Variants in TBC1D22A observed in about 807,000 individuals in gnomAD.
The protein encoded by TBC1D22A is TBC1 domain family member 22A, also known as putative GTPase activator.
A neutral mutation model predicts 60.2 loss-of-function variants in TBC1D22A; 38 were observed. That is an observed-to-expected ratio of 0.63 (90% CI 0.49 to 0.83). The LOEUF (loss-of-function observed/expected upper bound fraction) is 0.83, where lower values mean the gene tolerates loss of function less well. TBC1D22A is among the 40% of genes least tolerant of loss of function. TBC1D22A has a pLI of 0.00. For missense variants in TBC1D22A, 628 were observed against 701.0 expected (o/e 0.90, Z 1.18); for synonymous variants, 302 against 281.7 (o/e 1.07, Z -0.72).
chr22:46,773,967 T>G (rs1299388706), intron 1 of TBC1D22A: 2 of 985,370 alleles, frequency 2.0e-6, no homozygotes, highest in Non-Finnish European at 2.4e-6. Context: ...CATCCTTATC[T>G]CCTCCATTCC....
chr22:46,790,555 A>G (rs2084362566), intron 1 of TBC1D22A, among the ~76,000 whole-genome samples: 1 of 152,136 alleles, frequency 6.6e-6, no homozygotes, highest in Non-Finnish European at 1.5e-5. Flanking sequence ...GTTTTTTTTT[A>G]CAAAGCAGTG....
chr22:47,026,690 C>G (rs1390996024), intron 10 of TBC1D22A, among the ~76,000 whole-genome samples: 1 of 152,082 alleles, frequency 6.6e-6, no homozygotes, highest in East Asian at 1.9e-4. Context: ...AGGGAAAACA[C>G]TATGATAAAA....
intron 11 of TBC1D22A, among the ~76,000 whole-genome samples, chr22:47,046,763 C>T (rs1379728244): frequency 2.6e-5 from 4 of 152,172 alleles, no homozygotes; most frequent in Non-Finnish European, 5.9e-5. Flanking sequence ...GCCAGAGAGC[C>T]GTTGACATCT....
chr22:46,866,683 A>G (rs941915535), intron 4 of TBC1D22A, among the ~76,000 whole-genome samples: 4 of 152,224 alleles, frequency 2.6e-5, no homozygotes, highest in South Asian at 2.1e-4. Flanking sequence ...GAACAAGTCT[A>G]TAGTGCTGAT....
chr22:47,061,665 A>G (rs752099126), intron 11 of TBC1D22A, among the ~76,000 whole-genome samples: 10 of 151,794 alleles, frequency 6.6e-5, no homozygotes, highest in Admixed American at 1.3e-4. Flanking sequence ...TCCACTCTCC[A>G]TAGTCATCTA....
At chr22:47,084,084 C>T (rs1419879733) in intron 11 of TBC1D22A, among the ~76,000 whole-genome samples, 11 of 152,244 alleles carry the variant, frequency 7.2e-5, no homozygotes, top group Non-Finnish European at 1.5e-5. Context: ...GAGGTGCATT[C>T]TCTACGATCC....
chr22:46,793,846 G>A lies in TBC1D22A; in HGVS notation c.460+5G>A, dbSNP rs1411274535. 1.4e-5 allele frequency: 21 copies of A among 1,552,728 alleles called. No individual in the cohort carries two copies. Among genetic ancestry groups the A allele is most frequent in the South Asian group, 3.6e-5 (3 of 83,624 alleles). On this transcript the variant is annotated splice_donor_5th_base_variant and intron_variant, in intron 3 of 12. Transcript: ENST00000337137. The stretch of plus-strand genomic sequence containing the variant: ...GCCACACGTCCTGTCCTGCAGGTAC[G>A]ATGGGAGGACTGAAGAGATGGTCTG...
In TBC1D22A at chr22:46,777,594, T is replaced by C. The variant is rs1472880853; in HGVS notation, c.62+14746T>C. On this transcript the variant is annotated intron_variant, in intron 1 of 12. Coordinates refer to ENST00000337137, the MANE Select transcript of TBC1D22A (RefSeq NM_014346.5). The surrounding 1 kb of genome is among the most constrained non-coding windows in gnomAD (Gnocchi z 4.5). ...GAGGACTCGGCTTTGGGGAGCAGAG[T>C]TGGGAACACACAGAAGAGTCTGGGG... 6.6e-6 allele frequency among the ~76,000 whole-genome samples: 1 copy of C among 151,444 alleles called. No homozygotes were observed. The highest frequency in any genetic ancestry group is 2.4e-5 in the African/African-American group (1 of 41,162).
chr22:46,933,625 T>TCGGC (rs375567614), intron 8 of TBC1D22A, among the ~76,000 whole-genome samples: 1 of 150,534 alleles, frequency 6.6e-6, no homozygotes, highest in African/African-American at 2.5e-5. Context: ...GAGAGACCAC[T>TCGGC]GGGGGGGGGT....
intron 12 of TBC1D22A, chr22:47,116,406 G>C (rs955190338): frequency 6.6e-6 from 1 of 152,262 alleles, no homozygotes. Flanking sequence ...AGGAGGCCTC[G>C]GCAGCTGAGA....
At chr22:47,088,695 C>T (rs1302248815) in intron 11 of TBC1D22A, among the ~76,000 whole-genome samples, 1 of 152,096 alleles carries the variant, frequency 6.6e-6, no homozygotes, top group Admixed American at 6.5e-5. Flanking sequence ...TGAAATGAGT[C>T]AAGCCAGTGC....
intron 1 of TBC1D22A, among the ~76,000 whole-genome samples, chr22:46,771,634 G>A (rs1283796814): frequency 2.0e-5 from 3 of 147,978 alleles, no homozygotes; most frequent in Non-Finnish European, 3.0e-5. Flanking sequence ...TTGCTCTGTT[G>A]CCCAGGCTGG....
intron 4 of TBC1D22A, among the ~76,000 whole-genome samples, chr22:46,868,536 C>G (rs995283853): frequency 6.6e-6 from 1 of 152,104 alleles, no homozygotes; most frequent in Non-Finnish European, 1.5e-5. Context: ...ACTCAACCGG[C>G]AGTATAAGAT....
chr22:46,991,462 G>A lies in TBC1D22A; in HGVS notation c.1126-6172G>A, dbSNP rs370467208. 2.6e-5 allele frequency among the ~76,000 whole-genome samples: 4 copies of A among 152,302 alleles called. No individual in the cohort carries two copies. In the East Asian group the frequency reaches 5.8e-4, roughly 22 times the overall value. On this transcript the variant is annotated intron_variant, in intron 9 of 12. Transcript: ENST00000337137. ...AGTGCCAGCCGGGAACCAATCAAAT[G>A]AATGAGCTAATAGGAACAAATGGCA... is the stretch of plus-strand genomic sequence containing the variant.
rs1411234781 is a variant in TBC1D22A at position 47,086,919 on chromosome 22, GT to G, written c.1330-24586del. Among the ~76,000 whole-genome samples the G allele has an allele frequency of 2.0e-5, 3 of 152,256 alleles. No individual in the cohort carries two copies. The East Asian group carries it at 5.8e-4, about 29-fold the overall frequency. On this transcript the variant is annotated intron_variant, in intron 11 of 12. Transcript: ENST00000337137. ...CTACAGGCCTGTTCATCGTAGCACTGTTTGCAGTAGCAAAAGATAGATATCC... is the reference window on the plus strand; with the variant it reads ...CTACAGGCCTGTTCATCGTAGCACTGTTGCAGTAGCAAAAGATAGATATCC...
At chr22:46,863,157 A>C (rs2066896847) in intron 4 of TBC1D22A, among the ~76,000 whole-genome samples, 1 of 152,140 alleles carries the variant, frequency 6.6e-6, no homozygotes, top group South Asian at 2.1e-4. Flanking sequence ...AGTGAAGGCA[A>C]CATGCGCCCC....
intron 2 of TBC1D22A, 114 bp downstream of exon 2, chr22:46,792,690 G>C: frequency 5.0e-6 from 8 of 1,603,168 alleles, no homozygotes; most frequent in Non-Finnish European, 6.0e-6. Flanking sequence ...GAGGAGACTG[G>C]TTTCTCATTC....
intron 4 of TBC1D22A, among the ~76,000 whole-genome samples, chr22:46,810,130 G>A (rs2085319077): frequency 6.6e-6 from 1 of 152,196 alleles, no homozygotes; most frequent in Non-Finnish European, 1.5e-5. Context: ...GGAGGAGGGA[G>A]GAATGCTCTG....
rs945845386 is a variant in TBC1D22A, at chr22:47,164,089, G to A, written c.1426-9409G>A. Among the ~76,000 whole-genome samples the A allele has an allele frequency of 4.6e-5, 7 of 152,354 alleles. No individual in the cohort carries two copies. The East Asian group carries it at 7.7e-4, about 17-fold the overall frequency. ...ACGCTGCTGTGCGGAGGTCTGAGCCGGCTTCAGATGAGCCCGAGGCCTCCG... is the reference window on the plus strand; with the variant it reads ...ACGCTGCTGTGCGGAGGTCTGAGCCAGCTTCAGATGAGCCCGAGGCCTCCG... On this transcript the variant is annotated intron_variant, in intron 12 of 12. Transcript: ENST00000337137.
Sources: allele counts gnomAD v4.1 joint callset (sites outside exome capture counted in the v4.1 genomes callset), GRCh38; gene constraint gnomAD v4.1.1; non-coding constraint Gnocchi (gnomAD v3.1); transcripts MANE v1.5; gene names NCBI Gene and HGNC (gene_info 2026-07-23, HGNC 2026-07-21).